Variants in SPTLC2 observed in about 807,000 individuals in gnomAD.
SPTLC2 encodes the protein serine palmitoyltransferase 2.
In SPTLC2, 21 loss-of-function variants were observed where a neutral mutation model predicts 62.0. That is an observed-to-expected ratio of 0.34 (90% CI 0.24 to 0.49). The LOEUF (loss-of-function observed/expected upper bound fraction) is 0.49. SPTLC2 is among the 20% of genes least tolerant of loss of function. SPTLC2 has a pLI of 0.99. For synonymous variants in SPTLC2, 261 were observed against 261.8 expected, an observed-to-expected ratio of 1.00 and a Z score of 0.03; for missense variants, 511 against 713.0, an observed-to-expected ratio of 0.72 and a Z score of 3.23.
chr14:77,584,869 G>A (rs552079845), intron 2 of SPTLC2, among the ~76,000 whole-genome samples: 3 of 152,340 alleles, frequency 2.0e-5, no homozygotes, highest in Non-Finnish European at 2.9e-5. Context: ...ATCGGGTTGC[G>A]GATGTGATGT....
At chr14:77,529,339 A>C (rs1426373789) in intron 9 of SPTLC2, among the ~76,000 whole-genome samples, 4 of 150,372 alleles carry the variant, frequency 2.7e-5, no homozygotes, top group Non-Finnish European at 5.9e-5. Context: ...CTCCACTGAT[A>C]GAAATAAACT....
At chr14:77,554,349 C>T (rs2079571511) in intron 8 of SPTLC2, among the ~76,000 whole-genome samples, 1 of 152,160 alleles carries the variant, frequency 6.6e-6, no homozygotes, top group Non-Finnish European at 1.5e-5. Context: ...GCCACTTTTA[C>T]CACTAATTTT....
intron 6 of SPTLC2, among the ~76,000 whole-genome samples, chr14:77,561,334 G>A (rs969968883): frequency 1.2e-4 from 19 of 152,278 alleles, no homozygotes; most frequent in Admixed American, 7.2e-4. Context: ...AAGAGGCCAG[G>A]CATGATGGCT....
chr14:77,551,122 G>A (rs886279787), intron 9 of SPTLC2, among the ~76,000 whole-genome samples: 6 of 152,162 alleles, frequency 3.9e-5, no homozygotes, highest in East Asian at 1.9e-4. Context: ...GGCCGGGCAC[G>A]GTGGCTCACG....
At chr14:77,580,001 C>T (rs1185769704) in intron 2 of SPTLC2, among the ~76,000 whole-genome samples, 1 of 152,108 alleles carries the variant, frequency 6.6e-6, no homozygotes, top group Non-Finnish European at 1.5e-5. Flanking sequence ...GACGGCTCTT[C>T]CCTCCCCACA....
intron 9 of SPTLC2, among the ~76,000 whole-genome samples, chr14:77,548,834 G>C (rs1352680453): frequency 6.6e-6 from 1 of 152,166 alleles, no homozygotes; most frequent in Admixed American, 6.5e-5. Context: ...TCCCTTACAT[G>C]CTGCAGCTTT....
chr14:77,608,913 A>C (rs1046983191), intron 1 of SPTLC2, among the ~76,000 whole-genome samples: 1 of 123,722 alleles, frequency 8.1e-6, no homozygotes, highest in East Asian at 2.3e-4. Flanking sequence ...TTGAGGCTCC[A>C]TCTCAAAATA....
Position 77,507,818 on chromosome 14 carries a change from C to T in SPTLC2, c.*4466G>A, listed in dbSNP as rs996485911. ...AAAAAAAATCCCTGTAAGTTCTTGG[C>T]TTAGTAGCCAAAAAATAATCTTTGC... On this transcript the variant is annotated 3_prime_UTR_variant, in exon 12 of 12. Transcript: ENST00000216484. 13 of 152,180 alleles carry T rather than the reference C, an allele frequency of 8.5e-5. No individual in the cohort carries two copies. The highest frequency in any genetic ancestry group is 2.9e-4 in the African/African-American group (12 of 41,436). 9.4% of individuals were successfully genotyped at this position (152,180 alleles called of 1,614,324 possible). A position where few individuals can be genotyped will look rare whatever the true frequency, so the allele number is the denominator to read the frequency against.
At chr14:77,518,281 C>A (rs2079368653) in intron 10 of SPTLC2, 114 bp from the exon 11 acceptor site, 3 of 1,477,574 alleles carry the variant, frequency 2.0e-6, no homozygotes, top group Non-Finnish European at 2.8e-6. Flanking sequence ...TTGGAGACTT[C>A]TAATAGGAGT....
At chr14:77,593,683 T>C (rs1004910758) in intron 2 of SPTLC2, among the ~76,000 whole-genome samples, 1 of 152,206 alleles carries the variant, frequency 6.6e-6, no homozygotes, top group Non-Finnish European at 1.5e-5. Flanking sequence ...ATCAAAGAAT[T>C]AACACAGTTA....
At chr14:77,605,417 T>A (rs1268575544) in intron 1 of SPTLC2, among the ~76,000 whole-genome samples, 8 of 152,190 alleles carry the variant, frequency 5.3e-5, no homozygotes, top group Admixed American at 6.5e-5. Context: ...GCTTTCACAG[T>A]AACAACTAGA....
chr14:77,581,403 C>G (rs1329164855), intron 2 of SPTLC2, among the ~76,000 whole-genome samples: 1 of 93,246 alleles, frequency 1.1e-5, no homozygotes, highest in Non-Finnish European at 2.4e-5. Context: ...GATACCATCT[C>G]TCTTTTTTTT....
intron 2 of SPTLC2, among the ~76,000 whole-genome samples, chr14:77,584,385 G>A (rs542029876): frequency 2.0e-5 from 3 of 152,192 alleles, no homozygotes; most frequent in Non-Finnish European, 4.4e-5. Flanking sequence ...AATCACAACA[G>A]CAGCAAGAGT....
chr14:77,602,514 G>A lies in SPTLC2; in HGVS notation c.133-5134C>T, dbSNP rs144246884. On this transcript the variant is annotated intron_variant, in intron 1 of 11. Transcript: ENST00000216484. ...AGTCCAAGAGCTTCCTGTGGGGCAC[G>A]AGAGAATTTTAAGGAGGTTGAAAAG... Among the ~76,000 whole-genome samples the A allele has an allele frequency of 4.8e-3, 730 of 151,634 alleles. 9 individuals carry two copies. The highest frequency in any genetic ancestry group is 0.017 in the African/African-American group (695 of 41,368).
chr14:77,562,709 A>G (rs991859127), intron 5 of SPTLC2, among the ~76,000 whole-genome samples: 1 of 152,232 alleles, frequency 6.6e-6, no homozygotes, highest in African/African-American at 2.4e-5. Context: ...TTTTAATTTA[A>G]TATCTTCAGT....
intron 3 of SPTLC2, 93 bp from the exon 4 acceptor site, chr14:77,577,008 G>T: frequency 7.0e-7 from 1 of 1,425,268 alleles, no homozygotes; most frequent in Non-Finnish European, 9.9e-7. Context: ...AGGAAGCAGA[G>T]AGAACAAAGT....
chr14:77,560,652 T>TTCC (rs536976107), intron 6 of SPTLC2, among the ~76,000 whole-genome samples: 122 of 151,568 alleles, frequency 8.0e-4, no homozygotes, highest in South Asian at 4.2e-3. Flanking sequence ...TATATGTACA[T>TTCC]ATACACCATG....
At chr14:77,537,353 T>C (rs2079476735) in intron 9 of SPTLC2, among the ~76,000 whole-genome samples, 1 of 152,090 alleles carries the variant, frequency 6.6e-6, no homozygotes, top group Admixed American at 6.6e-5. Flanking sequence ...TACTTTGTAA[T>C]TCATTAATTT....
At chr14:77,531,446 C>CTTCTTCTTCTTCTTCTTCTTCTT in intron 9 of SPTLC2, among the ~76,000 whole-genome samples, 1 of 103,742 alleles carries the variant, frequency 9.6e-6, no homozygotes, top group African/African-American at 5.6e-5. Flanking sequence ...TTCTTCTTCT[C>CTTCTTCTTCTTCTTCTTCTTCTT]CTCCTTCTCC....
Sources: allele counts gnomAD v4.1 joint callset (sites outside exome capture counted in the v4.1 genomes callset), GRCh38; gene constraint gnomAD v4.1.1; transcripts MANE v1.5; gene names NCBI Gene and HGNC (gene_info 2026-07-23, HGNC 2026-07-21).